The following TBL1XR1 variants were observed in gnomAD, a reference collection of about 807,000 sequenced individuals.
TBL1XR1 encodes TBL1X/Y related 1.
Under a neutral mutation model 66.9 loss-of-function variants are expected in TBL1XR1, and 5 were observed. That is an observed-to-expected ratio of 0.07 (90% CI 0.04 to 0.16). TBL1XR1 has a LOEUF of 0.16. Ranked by LOEUF, TBL1XR1 falls within the 10% of genes least tolerant of loss-of-function variation. The probability of loss-of-function intolerance (pLI) is 1.00; values close to 1 mark genes in which losing one functional copy is unlikely to be tolerated. For missense variants in TBL1XR1, 238 were observed against 623.2 expected (o/e 0.38, Z 6.58); for synonymous variants, 210 against 206.0 (o/e 1.02, Z -0.17).
chr3:177,095,628 C>T lies in TBL1XR1; in HGVS notation c.-46+2838G>A, dbSNP rs1054287868. Among the ~76,000 whole-genome samples the T allele has an allele frequency of 5.9e-5, 9 of 151,760 alleles. 1 individual carries two copies. In the South Asian group the frequency reaches 1.5e-3, roughly 25 times the overall value. On this transcript the variant is annotated intron_variant, in intron 2 of 15. Coordinates refer to ENST00000457928, the MANE Select transcript of TBL1XR1 (RefSeq NM_024665.7). ...CCAAGTAGCTGAGATTACAGGTGTG[C>T]GCCACCACGCCTGGCTAATTTTTGT...
chr3:177,169,833 A>T (rs572614379), intron 1 of TBL1XR1, among the ~76,000 whole-genome samples: 2 of 152,328 alleles, frequency 1.3e-5, no homozygotes, highest in South Asian at 4.1e-4. Flanking sequence ...ATGACCACTT[A>T]CTTAAATCCT....
chr3:177,193,107 C>G (rs1234897998), intron 1 of TBL1XR1, among the ~76,000 whole-genome samples: 1 of 151,526 alleles, frequency 6.6e-6, no homozygotes, highest in Non-Finnish European at 1.5e-5. Context: ...GAGCCGAGAT[C>G]GCGCCACTGC....
At chr3:177,070,929 T>C (rs1030843623) in intron 2 of TBL1XR1, among the ~76,000 whole-genome samples, 5 of 152,110 alleles carry the variant, frequency 3.3e-5, no homozygotes, top group African/African-American at 7.2e-5. Context: ...ATACTGAGTG[T>C]GTCTGAATAG....
At chr3:177,116,515 C>A (rs1402018710) in intron 1 of TBL1XR1, among the ~76,000 whole-genome samples, 3 of 152,200 alleles carry the variant, frequency 2.0e-5, no homozygotes, top group Non-Finnish European at 4.4e-5. Context: ...TCACATCCTA[C>A]TAACCATTGT....
intron 2 of TBL1XR1, among the ~76,000 whole-genome samples, chr3:177,067,593 T>G (rs950247178): frequency 6.6e-6 from 1 of 152,226 alleles, no homozygotes; most frequent in Non-Finnish European, 1.5e-5. Context: ...GGTATATTTT[T>G]AAGTCATAAT....
At chr3:177,126,543 C>T (rs938185089) in intron 1 of TBL1XR1, among the ~76,000 whole-genome samples, 1 of 152,158 alleles carries the variant, frequency 6.6e-6, no homozygotes, top group Non-Finnish European at 1.5e-5. Context: ...ATGAAGCCTT[C>T]TGATTCCTCC....
intron 1 of TBL1XR1, among the ~76,000 whole-genome samples, chr3:177,124,582 A>AAATCTTC (rs1727382629): frequency 6.6e-6 from 1 of 152,110 alleles, no homozygotes; most frequent in Non-Finnish European, 1.5e-5. Flanking sequence ...CAGCTACTGG[A>AAATCTTC]AGGCCTTTCT....
At chr3:177,131,906 T>TAAAAAAAAA (rs71626253) in intron 1 of TBL1XR1, among the ~76,000 whole-genome samples, 1 of 145,016 alleles carries the variant, frequency 6.9e-6, no homozygotes, top group Non-Finnish European at 1.5e-5. Context: ...AGTGGAAGTT[T>TAAAAAAAAA]AAAAAAAAAA....
At chr3:177,156,280 C>T (rs1322367516) in intron 1 of TBL1XR1, among the ~76,000 whole-genome samples, 1 of 151,034 alleles carries the variant, frequency 6.6e-6, no homozygotes, top group East Asian at 1.9e-4. Context: ...AAGGGCGGAT[C>T]TGACATCAGG....
At chr3:177,050,715 T>C in intron 5 of TBL1XR1, 105 bp from the exon 6 acceptor site, 1 of 1,287,682 alleles carries the variant, frequency 7.8e-7, no homozygotes, top group Non-Finnish European at 1.1e-6. Context: ...GCACACAGTG[T>C]AACATTTTTC....
At chr3:177,033,868 G>A (rs1320265599) in intron 13 of TBL1XR1, among the ~76,000 whole-genome samples, 2 of 152,142 alleles carry the variant, frequency 1.3e-5, no homozygotes, top group Non-Finnish European at 2.9e-5. Flanking sequence ...GTAAGTGGGA[G>A]CTAAGCTATG....
chr3:177,089,866 A>C (rs1236003646), intron 2 of TBL1XR1, among the ~76,000 whole-genome samples: 2 of 152,248 alleles, frequency 1.3e-5, no homozygotes, highest in Admixed American at 1.3e-4. Context: ...AACAGTTATA[A>C]AATAAATGAA....
intron 2 of TBL1XR1, among the ~76,000 whole-genome samples, chr3:177,096,110 A>G (rs1212020373): frequency 6.6e-6 from 1 of 152,202 alleles, no homozygotes; most frequent in Non-Finnish European, 1.5e-5. Context: ...TGGCATTTTC[A>G]GAGAAAATAA....
At position 177,056,762 on chromosome 3, in the gene TBL1XR1, G is replaced by A. The variant is rs960922667; in HGVS notation, c.59-2844C>T. ...TCATCCTAACTCCCTCTTCTCTCTC[G>A]GTCCCTTGGCATTTGACAATTTACC... On this transcript the variant is annotated intron_variant, in intron 3 of 15. Coordinates refer to ENST00000457928, the MANE Select transcript of TBL1XR1 (RefSeq NM_024665.7). 1.1e-3 allele frequency among the ~76,000 whole-genome samples: 4 copies of A among 3,628 alleles called. No individual in the cohort carries two copies. In the African/African-American group the frequency reaches 0.012, roughly 11 times the overall value. 2.4% of individuals were successfully genotyped at this position (3,628 alleles called of 152,430 possible).
intron 1 of TBL1XR1, among the ~76,000 whole-genome samples, chr3:177,126,763 T>C (rs1727678326): frequency 6.6e-6 from 1 of 152,114 alleles, no homozygotes; most frequent in Non-Finnish European, 1.5e-5. Context: ...AAATATGTCT[T>C]TAGCAAATAA....
At chr3:177,171,107 G>T (rs149370632) in intron 1 of TBL1XR1, among the ~76,000 whole-genome samples, 2 of 151,940 alleles carry the variant, frequency 1.3e-5, no homozygotes, top group African/African-American at 4.8e-5. Flanking sequence ...TTGGAAGGCC[G>T]AGGCGAGCGG....
upstream of TBL1XR1, among the ~76,000 whole-genome samples, chr3:177,201,295 T>C (rs13094515): frequency 0.44 from 66,605 of 150,094 alleles, 16,271 homozygotes; most frequent in Non-Finnish European, 0.55. Flanking sequence ...CCTGTAATCC[T>C]AGCTACTCAG....
chr3:177,067,128 A>G (rs1307072394), intron 2 of TBL1XR1, among the ~76,000 whole-genome samples: 2 of 152,336 alleles, frequency 1.3e-5, no homozygotes, highest in Non-Finnish European at 2.9e-5. Context: ...CGGCACACAT[A>G]GCAGGCACAG....
intron 2 of TBL1XR1, among the ~76,000 whole-genome samples, chr3:177,084,160 T>C (rs1269910978): frequency 2.0e-5 from 3 of 151,050 alleles, no homozygotes; most frequent in African/African-American, 4.9e-5. Context: ...ATACTGGCTA[T>C]ATCATTCAGT....
Sources: allele counts gnomAD v4.1 joint callset (sites outside exome capture counted in the v4.1 genomes callset), GRCh38; gene constraint gnomAD v4.1.1; transcripts MANE v1.5; gene names NCBI Gene and HGNC (gene_info 2026-07-23, HGNC 2026-07-21).